The following JAKMIP2 variants were observed in gnomAD, a reference collection of about 807,000 sequenced individuals.
JAKMIP2 encodes janus kinase and microtubule interacting protein 2, also known as janus kinase and microtubule-interacting protein 2.
JAKMIP2 carries 25 observed loss-of-function variants against 115.0 expected under a neutral mutation model. That is an observed-to-expected ratio of 0.22 (90% confidence interval 0.16 to 0.30). The LOEUF (loss-of-function observed/expected upper bound fraction) is 0.30. Ranked by LOEUF, JAKMIP2 falls within the 10% of genes least tolerant of loss-of-function variation. The pLI is 1.00. For missense variants in JAKMIP2, 642 were observed against 957.6 expected (o/e 0.67, Z 4.35); for synonymous variants, 334 against 343.6 (o/e 0.97, Z 0.31).
intron 2 of JAKMIP2, among the ~76,000 whole-genome samples, chr5:147,669,184 T>C (rs568596962): frequency 2.0e-5 from 3 of 152,224 alleles, no homozygotes; most frequent in Admixed American, 1.3e-4. Context: ...TATTTATTTA[T>C]AATAAAAGTG....
intron 21 of JAKMIP2, among the ~76,000 whole-genome samples, chr5:147,597,602 T>C (rs952498992): frequency 1.1e-4 from 16 of 152,198 alleles, no homozygotes; most frequent in African/African-American, 3.4e-4. Flanking sequence ...TCTTCATTAT[T>C]TCATCCTTGC....
At chr5:147,639,524 GAGA>G in intron 10 of JAKMIP2, 105 bp downstream of exon 10, 2 of 1,290,018 alleles carry the variant, frequency 1.6e-6, no homozygotes, top group South Asian at 3.3e-5. Context: ...CTGCAGAGGA[GAGA>G]AGAATACAGG....
intron 2 of JAKMIP2, among the ~76,000 whole-genome samples, chr5:147,662,936 A>G (rs1017852574): frequency 2.0e-5 from 3 of 151,988 alleles, no homozygotes; most frequent in African/African-American, 7.3e-5. Flanking sequence ...CAGTGAGCCA[A>G]GATTGCACCA....
intron 14 of JAKMIP2, among the ~76,000 whole-genome samples, chr5:147,630,809 T>C (rs1757318271): frequency 1.3e-5 from 2 of 152,176 alleles, no homozygotes; most frequent in South Asian, 4.1e-4. Flanking sequence ...AAGGACAATA[T>C]ATTTCCCCGG....
chr5:147,742,348 G>A (rs1370207027), intron 1 of JAKMIP2, among the ~76,000 whole-genome samples: 2 of 151,756 alleles, frequency 1.3e-5, no homozygotes, highest in Admixed American at 1.3e-4. Flanking sequence ...CTAACATTCT[G>A]CTCTGTTTAT....
In JAKMIP2 at chr5:147,661,484, C is replaced by T. The variant is rs373470868; in HGVS notation, c.130-39G>A. 4 of 1,578,244 alleles carry T rather than the reference C, an allele frequency of 2.5e-6. No individual in the cohort carries two copies. In the Admixed American group the frequency reaches 7.1e-5, roughly 28 times the overall value. ...GGCGAAATGATGAAGAGAAATGAGC[C>T]TCAAAGGACGGGTGTGCTCCTAGGC... On this transcript the variant is annotated intron_variant, in intron 2 of 21. Transcript: ENST00000616793.
chr5:147,750,254 A>G (rs958796974), intron 1 of JAKMIP2, among the ~76,000 whole-genome samples: 1 of 152,158 alleles, frequency 6.6e-6, no homozygotes, highest in Non-Finnish European at 1.5e-5. Context: ...AGGGCCAAGC[A>G]TGTGAGAAAT....
At chr5:147,765,042 AAGAG>A (rs1284161947) in intron 1 of JAKMIP2, among the ~76,000 whole-genome samples, 4 of 115,210 alleles carry the variant, frequency 3.5e-5, no homozygotes, top group Non-Finnish European at 5.6e-5. Context: ...GAAAGAAAGA[AAGAG>A]AGAAGAGAGA....
chr5:147,676,419 G>C (rs909235986), intron 1 of JAKMIP2, among the ~76,000 whole-genome samples: 12 of 152,200 alleles, frequency 7.9e-5, no homozygotes, highest in African/African-American at 2.9e-4. Context: ...GAGAGTCCTT[G>C]CCACTGATGA....
At chr5:147,759,921 G>A (rs561689509) in intron 1 of JAKMIP2, among the ~76,000 whole-genome samples, 1 of 152,174 alleles carries the variant, frequency 6.6e-6, no homozygotes, top group Non-Finnish European at 1.5e-5. Flanking sequence ...GGGGAAGATG[G>A]CAGCCCTACA....
intron 1 of JAKMIP2, among the ~76,000 whole-genome samples, chr5:147,759,465 A>G (rs915552075): frequency 3.3e-5 from 5 of 152,086 alleles, no homozygotes; most frequent in African/African-American, 1.2e-4. Flanking sequence ...GCACTGTTCT[A>G]GGCTTCAGGG....
chr5:147,592,937 A>G (rs1406493486), intron 21 of JAKMIP2, among the ~76,000 whole-genome samples: 3 of 152,170 alleles, frequency 2.0e-5, no homozygotes, highest in Non-Finnish European at 4.4e-5. Context: ...AGAGTGACAG[A>G]GTCACAGAGG....
intron 3 of JAKMIP2, among the ~76,000 whole-genome samples, chr5:147,659,427 G>A (rs1182262958): frequency 6.6e-6 from 1 of 152,126 alleles, no homozygotes; most frequent in Non-Finnish European, 1.5e-5. Context: ...GAAATCACCT[G>A]CCTTCTGCGT....
intron 1 of JAKMIP2, among the ~76,000 whole-genome samples, chr5:147,717,400 G>C (rs1561555956): frequency 6.9e-6 from 1 of 145,412 alleles, no homozygotes; most frequent in African/African-American, 2.6e-5. Context: ...TTGGTAGCTT[G>C]ATGGGGATGG....
chr5:147,652,720 C>T (rs1184899256), intron 3 of JAKMIP2, among the ~76,000 whole-genome samples: 1 of 152,102 alleles, frequency 6.6e-6, no homozygotes, highest in Non-Finnish European at 1.5e-5. Flanking sequence ...ACTTTAAGTT[C>T]TGGGATACAT....
chr5:147,658,788 T>C (rs1339767586), intron 3 of JAKMIP2, among the ~76,000 whole-genome samples: 1 of 152,080 alleles, frequency 6.6e-6, no homozygotes, highest in African/African-American at 2.4e-5. Flanking sequence ...CTGTGGTGAA[T>C]TCGGCCCAGT....
chr5:147,743,297 C>T lies in JAKMIP2; in HGVS notation c.-149+39159G>A, dbSNP rs1311448746. ...AACTTATCCACTTAATTTGAAGTGA[C>T]TTTTTTGTAGAAGGCTGGTTAACCT... On this transcript the variant is annotated intron_variant, in intron 1 of 21. Coordinates refer to ENST00000616793, the MANE Select transcript of JAKMIP2 (RefSeq NM_001270941.2). Among the ~76,000 whole-genome samples, 13 of 152,174 alleles carry T rather than the reference C, an allele frequency of 8.5e-5. 1 individual carries two copies. The highest frequency in any genetic ancestry group is 8.5e-4 in the Admixed American group (13 of 15,274).
At position 147,672,096 on chromosome 5, in the gene JAKMIP2, TGA is replaced by T. The variant is rs1759635599; in HGVS notation, c.-148-144_-148-143del. 8.4e-6 allele frequency: 3 copies of T among 356,858 alleles called. No homozygotes were observed. In the East Asian group the frequency reaches 2.3e-4, roughly 27 times the overall value. The allele number at this position is 356,858 out of a possible 1,614,324, so 22.1% of individuals were successfully genotyped here. On this transcript the variant is annotated intron_variant, in intron 1 of 21. Coordinates refer to ENST00000616793, the MANE Select transcript of JAKMIP2 (RefSeq NM_001270941.2). ...TCAGTATCTCCTGTCCACTTGTACG[TGA>T]GTTTAGAGTGATTTTTTTTTCAAAT...
At chr5:147,631,265 G>T in intron 14 of JAKMIP2, 148 bp downstream of exon 14, 1 of 530,986 alleles carries the variant, frequency 1.9e-6, no homozygotes, top group Non-Finnish European at 3.3e-6. Flanking sequence ...TTTTCTAGTA[G>T]AAGTGACTAT....
Sources: gnomAD v4.1 joint callset for allele counts (sites outside exome capture counted in the v4.1 genomes callset) on GRCh38, gnomAD v4.1.1 for gene constraint, MANE v1.5 for transcripts, NCBI Gene and HGNC (gene_info 2026-07-23, HGNC 2026-07-21) for gene names.